Variants in EVC observed in about 807,000 individuals in gnomAD.
EVC encodes the protein evC complex member EVC.
In EVC, 116 loss-of-function variants were observed where a neutral mutation model predicts 118.9. The ratio of observed to expected loss-of-function variants is 0.98; its 90% CI spans 0.84 to 1.14. The LOEUF is 1.14. EVC is among the 50% of genes most tolerant of loss of function. EVC has a pLI of 0.00. For missense variants in EVC, 1,401 were observed against 1,246.4 expected (o/e 1.12, Z -1.87); for synonymous variants, 619 against 534.7 (o/e 1.16, Z -2.18).
chr4:5,777,353 G>A (rs1383557485), intron 11 of EVC, among the ~76,000 whole-genome samples: 1 of 152,070 alleles, frequency 6.6e-6, no homozygotes, highest in Non-Finnish European at 1.5e-5. Context: ...TGGCTTTTTG[G>A]GTACCAACTG....
intron 15 of EVC, 114 bp from the exon 16 acceptor site, chr4:5,801,836 G>C: frequency 8.6e-7 from 1 of 1,168,724 alleles, no homozygotes; most frequent in Non-Finnish European, 1.3e-6. Flanking sequence ...AATCCAGGTT[G>C]GTGAGTAGGT....
intron 5 of EVC, among the ~76,000 whole-genome samples, chr4:5,736,481 C>T (rs1016865784): frequency 1.3e-5 from 2 of 149,698 alleles, no homozygotes; most frequent in Non-Finnish European, 3.0e-5. Context: ...TTGCATTTCA[C>T]TTAATTGCGC....
chr4:5,758,033 T>C, intron 11 of EVC: 1 of 701,930 alleles, frequency 1.4e-6, no homozygotes, highest in Non-Finnish European at 2.6e-6. Flanking sequence ...GGTTAGGTCC[T>C]ACTGGATTCG....
At position 5,746,909 on chromosome 4, in the gene EVC, G is replaced by T. The variant is rs1729431098; in HGVS notation, c.940-1239G>T. ...AGAAGCAGGAGAAAATCATGTCATGGACGCCAAGAGAATCAGGAGTTTGTA... is the reference window on the plus strand; with the variant it reads ...AGAAGCAGGAGAAAATCATGTCATGTACGCCAAGAGAATCAGGAGTTTGTA... On this transcript the variant is annotated intron_variant, in intron 7 of 20. Coordinates refer to ENST00000264956, the MANE Select transcript of EVC (RefSeq NM_153717.3). This position sits in a 1 kb window ranked among gnomAD's most constrained non-coding sequence, Gnocchi z 5.8. Among the ~76,000 whole-genome samples the T allele has an allele frequency of 6.6e-6, 1 of 152,152 alleles. No individual in the cohort carries two copies. The highest frequency in any genetic ancestry group is 6.5e-5 in the Admixed American group (1 of 15,274).
chr4:5,731,797 C>T lies in EVC; in HGVS notation c.617+140C>T. The T allele has an allele frequency of 1.2e-6, 1 of 857,430 alleles. No individual in the cohort carries two copies. Among genetic ancestry groups the T allele is most frequent in the Admixed American group, 2.0e-5 (1 of 49,848 alleles). The allele number at this position is 857,430 out of a possible 1,614,324, so 53.1% of individuals were successfully genotyped here. A position where few individuals can be genotyped will look rare whatever the true frequency, so the allele number is the denominator to read the frequency against. On this transcript the variant is annotated intron_variant, in intron 4 of 20. Coordinates refer to ENST00000264956, the MANE Select transcript of EVC (RefSeq NM_153717.3). This position sits in a 1 kb window ranked among gnomAD's most constrained non-coding sequence, Gnocchi z 5.6. ...GGGACACACAGCGACCCAGCGTCAC[C>T]ATCGGAGCCCCAGAGGCCTTTGTCA...
intron 11 of EVC, among the ~76,000 whole-genome samples, chr4:5,764,386 A>G (rs375321838): frequency 5.1e-4 from 67 of 132,136 alleles, no homozygotes; most frequent in South Asian, 8.1e-4. Context: ...GTCTCTGCCC[A>G]GCTTTGGTAT....
At chr4:5,744,035 C>A (rs1729006180) in intron 6 of EVC, among the ~76,000 whole-genome samples, 1 of 152,152 alleles carries the variant, frequency 6.6e-6, no homozygotes, top group South Asian at 2.1e-4. Context: ...TGAACTTAAG[C>A]AAGCATGTTA....
chr4:5,783,731 ACT>A lies in EVC; in HGVS notation c.1746_1747del (p.Phe583ProfsTer45), dbSNP rs2152289369. On this transcript the variant is annotated frameshift_variant, in exon 12 of 21. Coordinates refer to ENST00000264956, the MANE Select transcript of EVC (RefSeq NM_153717.3). LOFTEE classifies it high-confidence loss of function. ...ATCGCTTCCGGAGGCAGCAGTGGAA[ACT>A]CTTCCAGGAGCTCCTAGAGCAAGAC... ...SNRFRRQQWK[L>X]FQELLEQDQQ... 3 of 1,613,592 alleles carry A rather than the reference ACT, an allele frequency of 1.9e-6. No individual in the cohort carries two copies. The highest frequency in any genetic ancestry group is 1.1e-5 in the South Asian group (1 of 91,006).
At chr4:5,824,293 A>G in the EVC span, 1 of 985,210 alleles carries the variant, frequency 1.0e-6, no homozygotes, top group African/African-American at 1.7e-5. Flanking sequence ...CATGACTTTT[A>G]GCATTCTATT....
rs779553464 is a variant in EVC, at chr4:5,753,878, A to G, written c.1409A>G (p.Gln470Arg). ...AKLTLAQEEE[Q>R]RSFLAEAQPT... is the part of the protein sequence containing the mutation. ...CTCACGCTGGCCCAAGAGGAGGAACAGAGAAGCTTCCTGGCTGAGGCCCAG... is the reference window on the plus strand; with the variant it reads ...CTCACGCTGGCCCAAGAGGAGGAACGGAGAAGCTTCCTGGCTGAGGCCCAG... The change falls in exon 10 of 21, where the codon CAG becomes CGG. Residue 470 changes from glutamine (Q) to arginine (R), a missense_variant. By Grantham distance (43) the Gln-to-Arg change is conservative. Coordinates refer to ENST00000264956, the MANE Select transcript of EVC (RefSeq NM_153717.3). The G allele has an allele frequency of 1.9e-6, 3 of 1,614,006 alleles. No homozygotes were observed. The Admixed American group carries it at 5.0e-5, about 27-fold the overall frequency.
chr4:5,766,112 C>G (rs962884988), intron 11 of EVC, among the ~76,000 whole-genome samples: 2 of 140,024 alleles, frequency 1.4e-5, no homozygotes, highest in African/African-American at 5.4e-5. Flanking sequence ...GTGACAAAAT[C>G]TCTCAGCATT....
rs181549332 is a variant in EVC, at chr4:5,759,194, G to A, written c.1563+2832G>A. 3.7e-3 allele frequency among the ~76,000 whole-genome samples: 569 copies of A among 152,208 alleles called. 1 individual carries two copies. Among genetic ancestry groups the A allele is most frequent in the African/African-American group, 9.5e-3 (393 of 41,516 alleles). ...GTGTGTTTTTTACTATTATAATGGC[G>A]CAGAGGGTCAGTCTGAGGACAGATA... is the stretch of plus-strand genomic sequence containing the variant. On this transcript the variant is annotated intron_variant, in intron 11 of 20. Coordinates refer to ENST00000264956, the MANE Select transcript of EVC (RefSeq NM_153717.3).
At position 5,784,753 on chromosome 4, in the gene EVC, A is replaced by T. The variant is rs1417389742; in HGVS notation, c.1776+989A>T. Among the ~76,000 whole-genome samples the T allele has an allele frequency of 2.0e-5, 3 of 151,632 alleles. No individual in the cohort carries two copies. The East Asian group carries it at 5.8e-4, about 30-fold the overall frequency. Reference sequence around the variant, plus strand: ...CTCCCAAGTAGCTGGGATTACAGGCACGTGCCACCACGCCTGGCTAATTTT... The same window carrying T: ...CTCCCAAGTAGCTGGGATTACAGGCTCGTGCCACCACGCCTGGCTAATTTT... On this transcript the variant is annotated intron_variant, in intron 12 of 20. Coordinates refer to ENST00000264956, the MANE Select transcript of EVC (RefSeq NM_153717.3).
chr4:5,780,406 A>G (rs1483787949), intron 11 of EVC, among the ~76,000 whole-genome samples: 8 of 152,216 alleles, frequency 5.3e-5, no homozygotes. Flanking sequence ...AGGACCTTCC[A>G]TCTGTAAACT....
chr4:5,717,014 G>A (rs6845423), intron 1 of EVC, among the ~76,000 whole-genome samples: 126,281 of 152,048 alleles, frequency 0.83, 52,751 homozygotes, highest in African/African-American at 0.92. Flanking sequence ...CATTTGGAAC[G>A]TCCTTTTGAT....
At chr4:5,808,456 C>T in intron 18 of EVC, 129 bp downstream of exon 18, 7 of 1,433,538 alleles carry the variant, frequency 4.9e-6, no homozygotes, top group Non-Finnish European at 6.7e-6. Context: ...CGTTGACCCG[C>T]TGAGTCTCAC....
chr4:5,773,197 C>T (rs962217672), intron 11 of EVC, among the ~76,000 whole-genome samples: 1 of 152,168 alleles, frequency 6.6e-6, no homozygotes, highest in African/African-American at 2.4e-5. Context: ...ACTTTTAGGA[C>T]CCCCTCCATC....
chr4:5,814,707 C>T (rs1313237488), downstream of EVC, among the ~76,000 whole-genome samples: 4 of 152,070 alleles, frequency 2.6e-5, no homozygotes, highest in Non-Finnish European at 5.9e-5. Context: ...TGGGCCACAC[C>T]CCTGCCCCCC....
intron 12 of EVC, among the ~76,000 whole-genome samples, chr4:5,790,716 A>C (rs546094425): frequency 3.5e-4 from 54 of 152,208 alleles, no homozygotes; most frequent in Non-Finnish European, 6.8e-4. Context: ...TGTTCTTTTA[A>C]AAACAGAGGA....
Sources: allele counts gnomAD v4.1 joint callset (sites outside exome capture counted in the v4.1 genomes callset), GRCh38; gene constraint gnomAD v4.1.1; non-coding constraint Gnocchi (gnomAD v3.1); transcripts MANE v1.5; gene names NCBI Gene and HGNC (gene_info 2026-07-23, HGNC 2026-07-21).